Variants in KANK1 observed in about 807,000 individuals in gnomAD.
KANK1 encodes the protein KN motif and ankyrin repeat domain-containing protein 1.
A neutral mutation model predicts 106.2 loss-of-function variants in KANK1; 109 were observed. That is an observed-to-expected ratio of 1.03 (90% CI 0.88 to 1.20). The LOEUF (loss-of-function observed/expected upper bound fraction) is 1.20. Among genes scored for constraint, KANK1 ranks in the 50% most tolerant of loss-of-function variants. KANK1 has a pLI of 0.00. For synonymous variants in KANK1, 873 were observed against 652.2 expected, an observed-to-expected ratio of 1.34 and a Z score of -5.16; for missense variants, 2,399 against 1,710.7, an observed-to-expected ratio of 1.40 and a Z score of -7.10.
At chr9:542,143 C>G (rs776651915) in intron 1 of KANK1, among the ~76,000 whole-genome samples, 4 of 143,042 alleles carry the variant, frequency 2.8e-5, no homozygotes, top group Non-Finnish European at 4.5e-5. Flanking sequence ...AGAAGACATA[C>G]AGATGACCAA....
chr9:624,977 T>G (rs1266779334), intron 1 of KANK1, among the ~76,000 whole-genome samples: 2 of 152,164 alleles, frequency 1.3e-5, no homozygotes, highest in African/African-American at 4.8e-5. Context: ...CTATTTAACT[T>G]TTTTGTTCCT....
chr9:674,924 C>CA (rs1052345860), intron 1 of KANK1, among the ~76,000 whole-genome samples: 4 of 152,074 alleles, frequency 2.6e-5, no homozygotes, highest in Non-Finnish European at 5.9e-5. Context: ...AGGCTGGTCT[C>CA]AAACTCCTGA....
Position 612,028 on chromosome 9 carries a change from C to T in KANK1, c.-83-64862C>T, listed in dbSNP as rs544104608. On this transcript the variant is annotated intron_variant, in intron 1 of 11. Transcript: ENST00000382297. ...CCACCGCGCCCGGCCGACCATCTAA[C>T]TCTTATGTGCCCTTGCCTGTACATA... Among the ~76,000 whole-genome samples the T allele has an allele frequency of 3.3e-5, 5 of 152,304 alleles. No homozygotes were observed. In the South Asian group the frequency reaches 1.0e-3, roughly 32 times the overall value.
intron 3 of KANK1, among the ~76,000 whole-genome samples, chr9:719,727 G>A (rs1401074742): frequency 6.6e-6 from 1 of 152,056 alleles, no homozygotes; most frequent in East Asian, 1.9e-4. Context: ...AACCCATTCA[G>A]CTCTAGTTTT....
At chr9:621,787 C>G (rs924040216) in intron 1 of KANK1, among the ~76,000 whole-genome samples, 5 of 152,110 alleles carry the variant, frequency 3.3e-5, no homozygotes, top group East Asian at 3.9e-4. Flanking sequence ...TCGCTTGTTC[C>G]TGAATCCCCA....
intron 1 of KANK1, among the ~76,000 whole-genome samples, chr9:612,649 T>C (rs759308039): frequency 2.6e-5 from 4 of 152,014 alleles, no homozygotes; most frequent in Non-Finnish European, 4.4e-5. Flanking sequence ...TGAGACAGGA[T>C]TTGTGGGATG....
At chr9:524,250 C>A (rs1369198513) in intron 1 of KANK1, among the ~76,000 whole-genome samples, 1 of 151,632 alleles carries the variant, frequency 6.6e-6, no homozygotes, top group Non-Finnish European at 1.5e-5. Flanking sequence ...CCCTTCCCTT[C>A]CTTTCCCTTT....
chr9:677,468 A>G (rs1816632488), intron 2 of KANK1: 1 of 152,952 alleles, frequency 6.5e-6, no homozygotes, highest in African/African-American at 2.4e-5. Context: ...TCTCTTAGGA[A>G]TATGCAACAA....
At chr9:632,891 G>C (rs75265910) in intron 1 of KANK1, among the ~76,000 whole-genome samples, 18 of 151,842 alleles carry the variant, frequency 1.2e-4, no homozygotes, top group African/African-American at 4.3e-4. Context: ...ACGGGGTTTC[G>C]CCATGTTTGC....
At chr9:549,165 T>C (rs895405178) in intron 1 of KANK1, 1 of 152,168 alleles carries the variant, frequency 6.6e-6, no homozygotes, top group African/African-American at 2.4e-5. Flanking sequence ...CTGATTTTAT[T>C]TCTTCCTCAC....
At chr9:728,648 T>TACC (rs1266013896) in intron 3 of KANK1, among the ~76,000 whole-genome samples, 1 of 152,228 alleles carries the variant, frequency 6.6e-6, no homozygotes, top group Non-Finnish European at 1.5e-5. Flanking sequence ...AAGAGACATT[T>TACC]ACCATCTATA....
chr9:596,902 T>TC (rs1563831104), intron 1 of KANK1, among the ~76,000 whole-genome samples: 1 of 151,684 alleles, frequency 6.6e-6, no homozygotes. Flanking sequence ...AACACACTAT[T>TC]CTCTCCTCTC....
intron 1 of KANK1, among the ~76,000 whole-genome samples, chr9:587,517 T>C (rs1011549496): frequency 3.9e-5 from 6 of 152,082 alleles, no homozygotes; most frequent in Non-Finnish European, 5.9e-5. Context: ...ACCTAGAAAA[T>C]AGAGAGTTTA....
chr9:661,752 G>A (rs71488147), intron 1 of KANK1, among the ~76,000 whole-genome samples: 1 of 151,702 alleles, frequency 6.6e-6, no homozygotes, highest in Non-Finnish European at 1.5e-5. Flanking sequence ...CTGTGTAAAA[G>A]TGTTCCTGTT....
chr9:501,508 AT>A (rs1474729760), upstream of KANK1, among the ~76,000 whole-genome samples: 1 of 152,168 alleles, frequency 6.6e-6, no homozygotes, highest in African/African-American at 2.4e-5. Context: ...ACTAAAAATA[AT>A]TCTTTTCTTT....
chr9:535,884 T>G (rs1223586339), intron 1 of KANK1, among the ~76,000 whole-genome samples: 2 of 152,218 alleles, frequency 1.3e-5, no homozygotes, highest in Non-Finnish European at 2.9e-5. Context: ...CGTAAACCTT[T>G]CCTACCATGT....
chr9:596,988 T>C (rs554510538), intron 1 of KANK1, among the ~76,000 whole-genome samples: 2 of 152,072 alleles, frequency 1.3e-5, no homozygotes, highest in East Asian at 3.9e-4. Context: ...GTAAAATAAA[T>C]GTTCTCATAC....
chr9:676,774 C>A (rs1816498145), intron 1 of KANK1, 116 bp from the exon 2 acceptor site: 1 of 515,082 alleles, frequency 1.9e-6, no homozygotes, highest in African/African-American at 1.9e-5. Flanking sequence ...AGTCTTTCTC[C>A]CCCCATTCCG....
intron 1 of KANK1, among the ~76,000 whole-genome samples, chr9:553,226 G>C (rs1428167145): frequency 6.6e-6 from 1 of 152,162 alleles, no homozygotes; most frequent in Non-Finnish European, 1.5e-5. Context: ...AAGCAATTTA[G>C]TTGTTTACAA....
Sources: gnomAD v4.1 joint callset for allele counts (sites outside exome capture counted in the v4.1 genomes callset) on GRCh38, gnomAD v4.1.1 for gene constraint, MANE v1.5 for transcripts, NCBI Gene and HGNC (gene_info 2026-07-23, HGNC 2026-07-21) for gene names.